Variants in U2SURP observed in about 807,000 individuals in gnomAD.
U2SURP encodes U2 snRNP-associated SURP motif-containing protein.
Under a neutral mutation model 144.9 loss-of-function variants are expected in U2SURP, and 9 were observed. The observed-to-expected ratio is 0.06, with a 90% CI of 0.04 to 0.11. U2SURP has a LOEUF of 0.11. Ranked by LOEUF, U2SURP falls within the 10% of genes least tolerant of loss-of-function variation. The pLI, the probability that U2SURP is intolerant of heterozygous loss-of-function variation, is 1.00. For synonymous variants in U2SURP, 408 were observed against 396.8 expected (o/e 1.03, Z -0.33); for missense variants, 724 against 1,226.7 (o/e 0.59, Z 6.12).
intron 23 of U2SURP, among the ~76,000 whole-genome samples, chr3:143,041,430 A>G (rs532723835): frequency 2.6e-5 from 4 of 152,052 alleles, no homozygotes; most frequent in African/African-American, 9.6e-5. Context: ...TCCTTAGCTA[A>G]TATTGTATTG....
chr3:143,006,920 G>T (rs1935862186), intron 1 of U2SURP, among the ~76,000 whole-genome samples: 2 of 152,210 alleles, frequency 1.3e-5, no homozygotes, highest in South Asian at 4.1e-4. Context: ...ACAGATACAC[G>T]AATGGAGAGC....
chr3:143,052,356 T>C (rs1170745185), intron 25 of U2SURP, among the ~76,000 whole-genome samples: 1 of 152,128 alleles, frequency 6.6e-6, no homozygotes. Flanking sequence ...ATCGTGCTAT[T>C]ACACTCTAGC....
intron 24 of U2SURP, among the ~76,000 whole-genome samples, chr3:143,049,052 C>G (rs898429892): frequency 6.9e-5 from 10 of 144,322 alleles, no homozygotes; most frequent in Non-Finnish European, 1.4e-4. Context: ...GTCAGGAGTT[C>G]GAGACCAACC....
At chr3:143,007,444 A>ATTTTTT (rs397877854) in intron 1 of U2SURP, among the ~76,000 whole-genome samples, 1 of 118,250 alleles carries the variant, frequency 8.5e-6, no homozygotes. Context: ...CTTTCAAGAG[A>ATTTTTT]TTTTTTTTTT....
chr3:143,016,708 T>C (rs933305318), intron 5 of U2SURP, 134 bp from the exon 6 acceptor site: 2 of 804,434 alleles, frequency 2.5e-6, no homozygotes, highest in African/African-American at 1.8e-5. Context: ...GATATTTGAA[T>C]TTAATTTCAT....
At chr3:143,005,566 A>G (rs1273055892) in intron 1 of U2SURP, among the ~76,000 whole-genome samples, 2 of 152,156 alleles carry the variant, frequency 1.3e-5, no homozygotes, top group Non-Finnish European at 2.9e-5. Context: ...ACTTCCTTCC[A>G]TTTTCTCGAT....
intron 2 of U2SURP, among the ~76,000 whole-genome samples, chr3:143,011,323 C>T (rs1218061402): frequency 6.6e-6 from 1 of 152,000 alleles, no homozygotes; most frequent in Non-Finnish European, 1.5e-5. Flanking sequence ...TTAAAGCTTT[C>T]AAGTAACATT....
At position 143,027,336 on chromosome 3, in the gene U2SURP, A is replaced by G. The variant is rs1933211186; in HGVS notation, c.1379+83A>G. 1.5e-5 allele frequency: 15 copies of G among 972,396 alleles called. No individual in the cohort carries two copies. The South Asian group carries it at 2.3e-4, about 15-fold the overall frequency. 60.2% of individuals were successfully genotyped at this position (972,396 alleles called of 1,614,324 possible). A position where few individuals can be genotyped will look rare whatever the true frequency, so the allele number is the denominator to read the frequency against. On this transcript the variant is annotated intron_variant, in intron 14 of 27. Transcript: ENST00000473835. ...ATTTTTAAGTATACAGTTCAGTGTC[A>G]TTAAGTACATTCACATTGTTGTACA...
In U2SURP at chr3:143,001,656, CAGA is replaced by C. The variant is rs1462023572; in HGVS notation, c.31_33del (p.Lys11del). On this transcript the variant is annotated inframe_deletion, in exon 1 of 28. Coordinates refer to ENST00000473835, the MANE Select transcript of U2SURP (RefSeq NM_001080415.2). The stretch of plus-strand genomic sequence containing the variant: ...GGCGGACAAAACGCCAGGCGGATCT[CAGA>C]AGGCCAGTTCAAAGGTAATTTCTGA... 6.2e-7 allele frequency: 1 copy of C among 1,613,888 alleles called. No individual in the cohort carries two copies. The highest frequency in any genetic ancestry group is 1.3e-5 in the African/African-American group (1 of 74,932).
intron 18 of U2SURP, 147 bp from the exon 19 acceptor site, chr3:143,034,741 A>G (rs1037255986): frequency 3.4e-6 from 2 of 584,168 alleles, no homozygotes; most frequent in African/African-American, 3.8e-5. Context: ...TTACGGTTTT[A>G]GAGTTTAAAC....
chr3:143,024,446 G>A (rs773904448), intron 13 of U2SURP: 1 of 423,062 alleles, frequency 2.4e-6, no homozygotes, highest in Non-Finnish European at 4.7e-6. Flanking sequence ...CTTACTGAAG[G>A]CATAGCTTTG....
chr3:143,011,835 ATGTT>A (rs1936131431), intron 2 of U2SURP: 2 of 402,386 alleles, frequency 5.0e-6, no homozygotes, highest in South Asian at 3.7e-5. Context: ...CCAAAATGTG[ATGTT>A]TGTTTGAGTT....
In U2SURP at chr3:143,043,195, CAAA is replaced by C; in HGVS notation, c.2464_2466del (p.Lys822del). On this transcript the variant is annotated inframe_deletion, in exon 24 of 28. Transcript: ENST00000473835. ...AACATCATTTGTACTCTAATCCAAT[CAAA>C]GAAGAAATGACTGAGTCTAAGTTCT... 6.2e-7 allele frequency: 1 copy of C among 1,603,790 alleles called. No homozygotes were observed. The highest frequency in any genetic ancestry group is 8.5e-7 in the Non-Finnish European group (1 of 1,174,554).
At chr3:143,010,475 A>G (rs1936066994) in intron 1 of U2SURP, among the ~76,000 whole-genome samples, 1 of 152,202 alleles carries the variant, frequency 6.6e-6, no homozygotes, top group African/African-American at 2.4e-5. Flanking sequence ...GTGGCAGTAA[A>G]CGATGCATCT....
intron 1 of U2SURP, among the ~76,000 whole-genome samples, chr3:143,003,323 G>A (rs1225307333): frequency 1.3e-5 from 2 of 152,204 alleles, no homozygotes; most frequent in African/African-American, 4.8e-5. Context: ...GCTGCATAAT[G>A]TAGTGGGAAG....
intron 20 of U2SURP, among the ~76,000 whole-genome samples, chr3:143,036,456 G>GATGCATCACATGATAGCAGAT (rs1578149188): frequency 6.6e-6 from 1 of 152,104 alleles, no homozygotes; most frequent in East Asian, 1.9e-4. Context: ...TGCATGAAAA[G>GATGCATCACATGATAGCAGAT]ATGCATCACA....
intron 19 of U2SURP, among the ~76,000 whole-genome samples, chr3:143,035,232 TACAG>T (rs1355909573): frequency 6.6e-6 from 1 of 152,100 alleles, no homozygotes; most frequent in Non-Finnish European, 1.5e-5. Flanking sequence ...TCATAAAACA[TACAG>T]AAGAATCACT....
At position 143,027,005 on chromosome 3, in the gene U2SURP, G is replaced by A. The variant is rs539255970; in HGVS notation, c.1275-144G>A. The A allele has an allele frequency of 9.8e-5, 61 of 621,788 alleles. No individual in the cohort carries two copies. The African/African-American group carries it at 1.1e-3, about 11-fold the overall frequency. 38.5% of individuals were successfully genotyped at this position (621,788 alleles called of 1,614,324 possible). A position where few individuals can be genotyped will look rare whatever the true frequency, so the allele number is the denominator to read the frequency against. On this transcript the variant is annotated intron_variant, in intron 13 of 27. Coordinates refer to ENST00000473835, the MANE Select transcript of U2SURP (RefSeq NM_001080415.2). ...CTTAATGCACAAGGCATTAACATATGCTCCAGGTTACTTTTTTGGTATTAA... is the reference window on the plus strand; with the variant it reads ...CTTAATGCACAAGGCATTAACATATACTCCAGGTTACTTTTTTGGTATTAA...
intron 1 of U2SURP, among the ~76,000 whole-genome samples, chr3:143,008,792 T>C (rs974367070): frequency 7.9e-5 from 12 of 152,254 alleles, no homozygotes; most frequent in Non-Finnish European, 1.6e-4. Flanking sequence ...GTTTTTGATA[T>C]GGAGTCTCTG....
Sources: gnomAD v4.1 joint callset for allele counts (sites outside exome capture counted in the v4.1 genomes callset) on GRCh38, gnomAD v4.1.1 for gene constraint, MANE v1.5 for transcripts, NCBI Gene and HGNC (gene_info 2026-07-23, HGNC 2026-07-21) for gene names.